SVOPL: variants seen among roughly 807,000 people sequenced by gnomAD.
SVOPL encodes the protein putative transporter SVOPL.
Under a neutral mutation model 61.0 loss-of-function variants are expected in SVOPL, and 60 were observed. The ratio of observed to expected loss-of-function variants is 0.98; its 90% CI spans 0.80 to 1.22. The LOEUF (loss-of-function observed/expected upper bound fraction) is 1.22. Ranked by LOEUF, SVOPL falls within the 50% of genes most tolerant of loss-of-function variation. SVOPL has a pLI of 0.00. For missense variants in SVOPL, 662 were observed against 643.9 expected (o/e 1.03, Z -0.30); for synonymous variants, 279 against 250.0 (o/e 1.12, Z -1.09).
intron 9 of SVOPL, among the ~76,000 whole-genome samples, chr7:138,630,910 T>A (rs1164862581): frequency 6.9e-6 from 1 of 143,922 alleles, no homozygotes; most frequent in Non-Finnish European, 1.5e-5. Context: ...ACCATTGCAC[T>A]GCAGCCTGGG....
At chr7:138,663,396 T>C in intron 4 of SVOPL, 1 of 1,380,016 alleles carries the variant, frequency 7.2e-7, no homozygotes, top group Non-Finnish European at 9.4e-7. Context: ...CGCCCGCTTG[T>C]TGCTAGAGGA....
chr7:138,695,624 G>C (rs1803048523), intron 1 of SVOPL, among the ~76,000 whole-genome samples: 1 of 152,084 alleles, frequency 6.6e-6, no homozygotes, highest in African/African-American at 2.4e-5. Flanking sequence ...AGACCTGGGG[G>C]GGCTTCTGTA....
chr7:138,643,681 C>T (rs1584823151), intron 9 of SVOPL, among the ~76,000 whole-genome samples: 1 of 145,206 alleles, frequency 6.9e-6, no homozygotes, highest in Non-Finnish European at 1.5e-5. Context: ...CTGTATGATT[C>T]TACGTGTGAG....
intron 9 of SVOPL, among the ~76,000 whole-genome samples, chr7:138,636,925 C>T (rs1251749975): frequency 6.6e-6 from 1 of 151,948 alleles, no homozygotes; most frequent in Non-Finnish European, 1.5e-5. Flanking sequence ...GGAATTTACC[C>T]TATCAGAAAT....
intron 7 of SVOPL, among the ~76,000 whole-genome samples, chr7:138,649,408 C>T (rs1306097091): frequency 1.3e-5 from 2 of 152,102 alleles, no homozygotes; most frequent in African/African-American, 2.4e-5. Context: ...ATTCTCATGC[C>T]TCAGCCTCCC....
chr7:138,627,516 T>C, intron 11 of SVOPL, 55 bp from the exon 12 acceptor site: 2 of 1,294,760 alleles, frequency 1.5e-6, no homozygotes, highest in Admixed American at 1.7e-5. Context: ...AAGTGGCATA[T>C]TGCAACACTG....
intron 5 of SVOPL, chr7:138,662,697 A>G: frequency 1.2e-5 from 13 of 1,048,436 alleles, no homozygotes; most frequent in Non-Finnish European, 1.5e-5. Context: ...CAACACCACC[A>G]CAGTAAACTG....
chr7:138,606,010 TA>T (rs200384998), intron 14 of SVOPL, among the ~76,000 whole-genome samples: 40 of 147,428 alleles, frequency 2.7e-4, no homozygotes, highest in African/African-American at 4.0e-4. Context: ...TTTTTCTATT[TA>T]AAAAAAAAAA....
intron 1 of SVOPL, among the ~76,000 whole-genome samples, chr7:138,693,188 C>T (rs1428724119): frequency 6.6e-6 from 1 of 151,968 alleles, no homozygotes; most frequent in Non-Finnish European, 1.5e-5. Flanking sequence ...AGTAATCACT[C>T]AGAAAACTAA....
chr7:138,662,161 G>C (rs1802029992), intron 5 of SVOPL: 1 of 985,346 alleles, frequency 1.0e-6, no homozygotes, highest in South Asian at 4.7e-5. Context: ...CAGGCAAATG[G>C]CTCTGCAGAG....
intron 14 of SVOPL, among the ~76,000 whole-genome samples, chr7:138,603,896 C>T (rs1314692685): frequency 6.6e-6 from 1 of 150,736 alleles, no homozygotes; most frequent in Non-Finnish European, 1.5e-5. Flanking sequence ...GTGGTCATCA[C>T]ATTTGGCTTT....
chr7:138,699,504 A>G (rs1803143733), intron 1 of SVOPL, among the ~76,000 whole-genome samples: 1 of 152,072 alleles, frequency 6.6e-6, no homozygotes, highest in Non-Finnish European at 1.5e-5. Flanking sequence ...GGTAAACTTG[A>G]GTGGTGTTGG....
intron 14 of SVOPL, among the ~76,000 whole-genome samples, chr7:138,619,219 G>C (rs1799438813): frequency 6.6e-6 from 1 of 152,082 alleles, no homozygotes; most frequent in Non-Finnish European, 1.5e-5. Flanking sequence ...GCCAGCCTGA[G>C]CAACATAGTG....
At chr7:138,612,556 C>T (rs2116826296) in intron 14 of SVOPL, among the ~76,000 whole-genome samples, 1 of 147,866 alleles carries the variant, frequency 6.8e-6, no homozygotes, top group Non-Finnish European at 1.5e-5. Flanking sequence ...CGCTCTATCG[C>T]CCAGGCTGGA....
At chr7:138,699,940 C>G (rs1177554755) in intron 1 of SVOPL, among the ~76,000 whole-genome samples, 1 of 152,194 alleles carries the variant, frequency 6.6e-6, no homozygotes, top group East Asian at 1.9e-4. Flanking sequence ...ACAGGTTTAC[C>G]TGCAACAGAG....
intron 9 of SVOPL, among the ~76,000 whole-genome samples, chr7:138,639,568 A>G (rs1250482350): frequency 2.0e-5 from 3 of 151,588 alleles, no homozygotes; most frequent in African/African-American, 7.3e-5. Context: ...CAGAGGTTGC[A>G]GAGACTGTGC....
chr7:138,639,908 A>C (rs1399980202), intron 9 of SVOPL, among the ~76,000 whole-genome samples: 1 of 86,442 alleles, frequency 1.2e-5, no homozygotes, highest in Non-Finnish European at 2.4e-5. Flanking sequence ...GTGCGCCACT[A>C]TGCCTGTTTT....
At chr7:138,641,863 A>T (rs1462414087) in intron 9 of SVOPL, among the ~76,000 whole-genome samples, 2 of 142,142 alleles carry the variant, frequency 1.4e-5, no homozygotes, top group Non-Finnish European at 3.1e-5. Context: ...TATATAGTCA[A>T]TGAGTGTGTA....
At chr7:138,624,441 C>A (rs1799806021) in intron 13 of SVOPL, among the ~76,000 whole-genome samples, 1 of 152,184 alleles carries the variant, frequency 6.6e-6, no homozygotes, top group Non-Finnish European at 1.5e-5. Context: ...CCATTTGATG[C>A]CATCTGTAAA....
Sources: allele counts gnomAD v4.1 joint callset (sites outside exome capture counted in the v4.1 genomes callset), GRCh38; gene constraint gnomAD v4.1.1; transcripts MANE v1.5; gene names NCBI Gene and HGNC (gene_info 2026-07-23, HGNC 2026-07-21).